Variants in PTPRD observed in about 807,000 individuals in gnomAD.
The protein encoded by PTPRD is receptor-type tyrosine-protein phosphatase delta.
In PTPRD, 34 loss-of-function variants were observed where a neutral mutation model predicts 214.5. The ratio of observed to expected loss-of-function variants is 0.16; its 90% confidence interval spans 0.12 to 0.21. The LOEUF is 0.21. PTPRD is among the 10% of genes least tolerant of loss of function. The probability of loss-of-function intolerance (pLI) is 1.00; values close to 1 mark genes in which losing one functional copy is unlikely to be tolerated. For synonymous variants in PTPRD, 1,128 were observed against 845.7 expected, an observed-to-expected ratio of 1.33 and a Z score of -5.79; for missense variants, 2,545 against 2,398.7, an observed-to-expected ratio of 1.06 and a Z score of -1.27.
intron 11 of PTPRD, among the ~76,000 whole-genome samples, chr9:8,856,508 T>C (rs2097918160): frequency 6.6e-6 from 1 of 152,192 alleles, no homozygotes; most frequent in Non-Finnish European, 1.5e-5. Context: ...TACACTCTGT[T>C]AAGTCACTGG....
chr9:8,713,537 A>G lies in PTPRD; in HGVS notation c.64+20243T>C, dbSNP rs188204709. Reference sequence around the variant, plus strand: ...TTTGAGAAGTCCCCGCTGCGGGTGAAGAACTTCGGGATCTGGCTGCGCTGT... The same window carrying G: ...TTTGAGAAGTCCCCGCTGCGGGTGAGGAACTTCGGGATCTGGCTGCGCTGT... On this transcript the variant is annotated intron_variant, in intron 12 of 45. Transcript: ENST00000381196. 5.1e-5 allele frequency: 66 copies of G among 1,289,176 alleles called. No homozygotes were observed. The African/African-American group carries it at 8.0e-4, about 16-fold the overall frequency. 79.9% of individuals were successfully genotyped at this position (1,289,176 alleles called of 1,614,324 possible).
At chr9:9,757,591 C>T (rs1161791876) in intron 6 of PTPRD, among the ~76,000 whole-genome samples, 1 of 151,596 alleles carries the variant, frequency 6.6e-6, no homozygotes, top group Non-Finnish European at 1.5e-5. Context: ...ATCAAAATAA[C>T]TTATAACCCA....
chr9:10,564,406 A>T (rs2065016895), intron 2 of PTPRD, among the ~76,000 whole-genome samples: 1 of 150,860 alleles, frequency 6.6e-6, no homozygotes, highest in African/African-American at 2.4e-5. Context: ...AAATTTTGGC[A>T]GTAGGAGGCA....
chr9:10,092,414 G>C (rs952010122), intron 3 of PTPRD, among the ~76,000 whole-genome samples: 3 of 151,244 alleles, frequency 2.0e-5, no homozygotes, highest in African/African-American at 7.3e-5. Context: ...TCCTCTAAAA[G>C]CATCACTGAT....
intron 9 of PTPRD, among the ~76,000 whole-genome samples, chr9:9,240,167 A>T (rs982968476): frequency 8.2e-6 from 1 of 122,470 alleles, no homozygotes; most frequent in Non-Finnish European, 1.8e-5. Context: ...TTTATAAAAG[A>T]TATCTACTTA....
At chr9:9,351,673 C>A (rs12552061) in intron 9 of PTPRD, among the ~76,000 whole-genome samples, 1 of 151,876 alleles carries the variant, frequency 6.6e-6, no homozygotes, top group Non-Finnish European at 1.5e-5. Flanking sequence ...AAATACTTAT[C>A]TTCTCTTTTC....
intron 5 of PTPRD, among the ~76,000 whole-genome samples, chr9:9,767,503 A>G (rs1233498944): frequency 6.6e-6 from 1 of 152,096 alleles, no homozygotes; most frequent in African/African-American, 2.4e-5. Context: ...ATTCTATCAG[A>G]TGCAGTGTCA....
chr9:10,179,854 A>G (rs2099271662), intron 3 of PTPRD, among the ~76,000 whole-genome samples: 2 of 152,106 alleles, frequency 1.3e-5, no homozygotes, highest in African/African-American at 4.8e-5. Flanking sequence ...ACTATTATTT[A>G]GGTTTAGACA....
At chr9:9,728,779 G>A (rs1275172481) in intron 7 of PTPRD, among the ~76,000 whole-genome samples, 1 of 152,050 alleles carries the variant, frequency 6.6e-6, no homozygotes, top group African/African-American at 2.4e-5. Context: ...AAAGAATGCT[G>A]TCCATTTTCC....
intron 10 of PTPRD, among the ~76,000 whole-genome samples, chr9:9,113,139 AT>A (rs145285943): frequency 0.02 from 3,030 of 151,092 alleles, 56 homozygotes; most frequent in East Asian, 0.068. Flanking sequence ...TAATTAAAAA[AT>A]ATATATATAT....
intron 35 of PTPRD, among the ~76,000 whole-genome samples, chr9:8,418,967 A>G (rs973314579): frequency 2.6e-5 from 4 of 152,064 alleles, no homozygotes; most frequent in Admixed American, 2.0e-4. Flanking sequence ...CCTTGTAAAA[A>G]TGGCTCCTTC....
chr9:8,975,101 A>G (rs572912647), intron 11 of PTPRD, among the ~76,000 whole-genome samples: 35 of 151,522 alleles, frequency 2.3e-4, no homozygotes, highest in African/African-American at 8.2e-4. Flanking sequence ...CTGTCTCAAA[A>G]AAAAAAAAAA....
intron 5 of PTPRD, among the ~76,000 whole-genome samples, chr9:9,809,407 A>G (rs1289082819): frequency 6.6e-6 from 1 of 151,462 alleles, no homozygotes; most frequent in Non-Finnish European, 1.5e-5. Context: ...AGCTGGGACT[A>G]CAGGTGCCCA....
At chr9:10,147,919 T>C (rs1038036208) in intron 3 of PTPRD, among the ~76,000 whole-genome samples, 115 of 152,226 alleles carry the variant, frequency 7.6e-4, no homozygotes, top group African/African-American at 2.7e-3. Flanking sequence ...GCTATATTTG[T>C]TTTGCACATG....
chr9:8,792,678 T>A (rs796804829), intron 11 of PTPRD, among the ~76,000 whole-genome samples: 23 of 152,304 alleles, frequency 1.5e-4, no homozygotes, highest in African/African-American at 5.1e-4. Flanking sequence ...GAGGATATAT[T>A]TAAGCACACA....
intron 5 of PTPRD, among the ~76,000 whole-genome samples, chr9:9,937,652 T>C (rs1432160340): frequency 6.6e-6 from 1 of 152,192 alleles, no homozygotes; most frequent in Non-Finnish European, 1.5e-5. Context: ...ATTACATGTT[T>C]CTTGTATCTA....
chr9:9,983,538 C>T lies in PTPRD; in HGVS notation c.-471-44928G>A, dbSNP rs554547062. On this transcript the variant is annotated intron_variant, in intron 4 of 45. Coordinates refer to ENST00000381196, the MANE Select transcript of PTPRD (RefSeq NM_002839.4). ...GCAAAGCACTTAGTACCAGCTACAC[C>T]GTAAGCCCTATGTATAGAGCCATTA... Among the ~76,000 whole-genome samples the T allele has an allele frequency of 6.6e-5, 10 of 152,184 alleles. 1 individual carries two copies. The highest frequency in any genetic ancestry group is 2.6e-4 in the Admixed American group (4 of 15,274).
intron 10 of PTPRD, among the ~76,000 whole-genome samples, chr9:9,071,223 T>C (rs2099743238): frequency 6.6e-6 from 1 of 152,158 alleles, no homozygotes; most frequent in South Asian, 2.1e-4. Flanking sequence ...CCCTGAACTT[T>C]TATATTCATT....
At chr9:9,799,050 G>A (rs10120246) in intron 5 of PTPRD, among the ~76,000 whole-genome samples, 11,995 of 151,964 alleles carry the variant, frequency 0.079, 705 homozygotes, top group African/African-American at 0.17. Flanking sequence ...TTATTATTAC[G>A]GGAATGACTG....
Sources: gnomAD v4.1 joint callset for allele counts (sites outside exome capture counted in the v4.1 genomes callset) on GRCh38, gnomAD v4.1.1 for gene constraint, MANE v1.5 for transcripts, NCBI Gene and HGNC (gene_info 2026-07-23, HGNC 2026-07-21) for gene names.